Variants in MRPS9 observed in about 807,000 individuals in gnomAD.
MRPS9 encodes small ribosomal subunit protein uS9m.
A neutral mutation model predicts 59.9 loss-of-function variants in MRPS9; 45 were observed. The ratio of observed to expected loss-of-function variants is 0.75; its 90% CI spans 0.59 to 0.96. The LOEUF (loss-of-function observed/expected upper bound fraction) is 0.96, where lower values mean the gene tolerates loss of function less well. MRPS9 is among the 40% of genes least tolerant of loss of function. The pLI is 0.00. For missense variants in MRPS9, 473 were observed against 481.1 expected, an observed-to-expected ratio of 0.98 and a Z score of 0.16; for synonymous variants, 171 against 166.8, an observed-to-expected ratio of 1.03 and a Z score of -0.19.
intron 1 of MRPS9, 47 bp from the exon 2 acceptor site, chr2:105,049,124 C>T: frequency 8.0e-7 from 1 of 1,246,214 alleles, no homozygotes; most frequent in South Asian, 1.4e-5. Flanking sequence ...CCTAGAAGAT[C>T]ACAGTTTAAT....
At chr2:105,077,977 G>GA (rs112587260) in intron 4 of MRPS9, among the ~76,000 whole-genome samples, 2,064 of 151,706 alleles carry the variant, frequency 0.014, 48 homozygotes, top group African/African-American at 0.048. Flanking sequence ...GAAGCAGTGG[G>GA]AAAAAAAATT....
chr2:105,039,386 A>G (rs552690167), intron 1 of MRPS9, among the ~76,000 whole-genome samples: 2 of 144,790 alleles, frequency 1.4e-5, no homozygotes, highest in East Asian at 4.0e-4. Context: ...CTTTGAGTAT[A>G]TCTTTGCTAC....
At chr2:105,049,709 G>A (rs900841862) in intron 2 of MRPS9, among the ~76,000 whole-genome samples, 1 of 152,172 alleles carries the variant, frequency 6.6e-6, no homozygotes, top group Non-Finnish European at 1.5e-5. Flanking sequence ...TTGGCCCAGT[G>A]TTTTTGTCAA....
intron 4 of MRPS9, among the ~76,000 whole-genome samples, chr2:105,072,408 A>T (rs1195782285): frequency 5.6e-5 from 8 of 144,056 alleles, no homozygotes; most frequent in Non-Finnish European, 1.1e-4. Flanking sequence ...AAGTTGACAC[A>T]ACTTTTTTTT....
chr2:105,067,800 C>T (rs1269932509), intron 2 of MRPS9, among the ~76,000 whole-genome samples: 1 of 150,578 alleles, frequency 6.6e-6, no homozygotes. Context: ...GTGCATGTCA[C>T]ATATTGAGTG....
rs908137778 is a variant in MRPS9, at chr2:105,084,452, C to T, written c.489+4390C>T. 4.6e-5 allele frequency among the ~76,000 whole-genome samples: 7 copies of T among 152,184 alleles called. No individual in the cohort carries two copies. In the East Asian group the frequency reaches 1.4e-3, roughly 29 times the overall value. ...CCTACTCGGTTCTTAAAGCCTGGAA[C>T]AGCAGCCCCAGAAGTGTGCTGCTTC... is the stretch of plus-strand genomic sequence containing the variant. On this transcript the variant is annotated intron_variant, in intron 5 of 10. Coordinates refer to ENST00000258455, the MANE Select transcript of MRPS9 (RefSeq NM_182640.3).
intron 1 of MRPS9, among the ~76,000 whole-genome samples, chr2:105,039,448 A>G (rs2104434809): frequency 6.6e-6 from 1 of 152,006 alleles, no homozygotes; most frequent in East Asian, 1.9e-4. Context: ...TTTATTGTTG[A>G]CATTTAATGT....
chr2:105,079,889 T>C, intron 4 of MRPS9, 94 bp from the exon 5 acceptor site: 1 of 717,530 alleles, frequency 1.4e-6, no homozygotes, highest in East Asian at 2.7e-5. Flanking sequence ...TATTACTCAA[T>C]TATAAATGTG....
rs575812718 is a variant in MRPS9 at position 105,088,035 on chromosome 2, T to G, written c.490-949T>G. On this transcript the variant is annotated intron_variant, in intron 5 of 10. Transcript: ENST00000258455. ...GAAATTATTAAGACTGTTTGAGATA[T>G]GGATTGACACATCTCTATCAGTAAC... 3.3e-5 allele frequency among the ~76,000 whole-genome samples: 5 copies of G among 151,730 alleles called. No individual in the cohort carries two copies. The East Asian group carries it at 9.7e-4, about 29-fold the overall frequency.
In MRPS9 at chr2:105,098,885, G is replaced by C. The variant is rs915399074; in HGVS notation, c.1100-785G>C. On this transcript the variant is annotated intron_variant, in intron 10 of 10. Transcript: ENST00000258455. ...AGCTTTCCCATCAGTGGTATTCTTGGAATCTATGGTCTTTACTAACTTACT... is the reference window on the plus strand; with the variant it reads ...AGCTTTCCCATCAGTGGTATTCTTGCAATCTATGGTCTTTACTAACTTACT... Among the ~76,000 whole-genome samples the C allele has an allele frequency of 5.9e-5, 9 of 152,262 alleles. No individual in the cohort carries two copies. The East Asian group carries it at 1.7e-3, about 29-fold the overall frequency.
intron 3 of MRPS9, 28 bp downstream of exon 3, chr2:105,071,403 A>T (rs1382174570): frequency 1.3e-6 from 2 of 1,594,852 alleles, no homozygotes; most frequent in South Asian, 2.3e-5. Flanking sequence ...TATTTTAAAA[A>T]TTTCACTTTT....
intron 4 of MRPS9, among the ~76,000 whole-genome samples, chr2:105,074,557 T>C (rs1466407074): frequency 2.0e-5 from 3 of 152,214 alleles, no homozygotes. Flanking sequence ...GTGTGTTAAC[T>C]TACACTCTTC....
chr2:105,066,144 C>T (rs543168183), intron 2 of MRPS9, among the ~76,000 whole-genome samples: 1 of 152,126 alleles, frequency 6.6e-6, no homozygotes, highest in South Asian at 2.1e-4. Context: ...ATTTCCTATT[C>T]CCTCTTTTGT....
At chr2:105,078,435 T>C (rs1023202894) in intron 4 of MRPS9, among the ~76,000 whole-genome samples, 9 of 152,014 alleles carry the variant, frequency 5.9e-5, no homozygotes, top group African/African-American at 2.2e-4. Context: ...TCTGCAGCCA[T>C]GATGTTTGTC....
chr2:105,093,497 A>G (rs375274277), intron 8 of MRPS9, 33 bp from the exon 9 acceptor site: 34 of 1,344,606 alleles, frequency 2.5e-5, no homozygotes, highest in Non-Finnish European at 3.3e-5. Flanking sequence ...GGTCTTCAAG[A>G]TATTTACTAA....
At chr2:105,074,560 C>T (rs956961879) in intron 4 of MRPS9, among the ~76,000 whole-genome samples, 1 of 152,164 alleles carries the variant, frequency 6.6e-6, no homozygotes, top group African/African-American at 2.4e-5. Flanking sequence ...TGTTAACTTA[C>T]ACTCTTCACA....
intron 5 of MRPS9, among the ~76,000 whole-genome samples, chr2:105,085,702 G>A (rs1365069456): frequency 6.6e-6 from 1 of 152,098 alleles, no homozygotes; most frequent in Non-Finnish European, 1.5e-5. Flanking sequence ...GGCTTGCTTT[G>A]ATTTTATGAA....
intron 2 of MRPS9, among the ~76,000 whole-genome samples, chr2:105,051,167 T>G (rs1679704530): frequency 6.6e-6 from 1 of 152,206 alleles, no homozygotes; most frequent in Non-Finnish European, 1.5e-5. Context: ...CTTCTAGTTT[T>G]GTAGTTTTAG....
chr2:105,051,193 C>A (rs779845547), intron 2 of MRPS9, among the ~76,000 whole-genome samples: 9 of 152,038 alleles, frequency 5.9e-5, no homozygotes, highest in Non-Finnish European at 1.2e-4. Context: ...ACATTTAGGT[C>A]TTTGATCCAT....
Sources: allele counts gnomAD v4.1 joint callset (sites outside exome capture counted in the v4.1 genomes callset), GRCh38; gene constraint gnomAD v4.1.1; transcripts MANE v1.5; gene names NCBI Gene and HGNC (gene_info 2026-07-23, HGNC 2026-07-21).